IGHMBP2: variants seen among roughly 807,000 people sequenced by gnomAD.
The protein encoded by IGHMBP2 is immunoglobulin mu DNA binding protein 2.
IGHMBP2 carries 81 observed loss-of-function variants against 96.0 expected under a neutral mutation model. The ratio of observed to expected loss-of-function variants is 0.84; its 90% CI spans 0.71 to 1.01. The LOEUF is 1.01. Among genes scored for constraint, IGHMBP2 ranks in the 50% least tolerant of loss-of-function variants. The pLI, the probability that IGHMBP2 is intolerant of heterozygous loss-of-function variation, is 0.00. For missense variants in IGHMBP2, 1,227 were observed against 1,306.3 expected (o/e 0.94, Z 0.94); for synonymous variants, 557 against 548.9 (o/e 1.01, Z -0.21).
intron 5 of IGHMBP2, among the ~76,000 whole-genome samples, chr11:68,911,895 C>T (rs1436134960): frequency 1.3e-5 from 2 of 152,260 alleles, no homozygotes; most frequent in Admixed American, 6.5e-5. Flanking sequence ...TATTTGTTCA[C>T]CACGCTTGCT....
chr11:68,913,686 A>G (rs932264611), intron 5 of IGHMBP2, among the ~76,000 whole-genome samples: 1 of 152,058 alleles, frequency 6.6e-6, no homozygotes, highest in Non-Finnish European at 1.5e-5. Context: ...TGGGAGGCCA[A>G]GGGGGGAGGA....
At chr11:68,910,736 A>G (rs996165820) in intron 4 of IGHMBP2, among the ~76,000 whole-genome samples, 1 of 152,164 alleles carries the variant, frequency 6.6e-6, no homozygotes, top group Non-Finnish European at 1.5e-5. Context: ...ACAAAAAATT[A>G]GCTGGGCATG....
intron 8 of IGHMBP2, 137 bp from the exon 9 acceptor site, chr11:68,933,162 C>T (rs1859380223): frequency 4.5e-6 from 4 of 882,086 alleles, no homozygotes; most frequent in Admixed American, 2.1e-5. Context: ...CAAACCCGCC[C>T]CTTGGTTACT....
chr11:68,904,756 C>T (rs1858109295), intron 1 of IGHMBP2, among the ~76,000 whole-genome samples: 1 of 151,858 alleles, frequency 6.6e-6, no homozygotes, highest in Non-Finnish European at 1.5e-5. Flanking sequence ...TCTTTTACAC[C>T]TCATCCCATG....
At chr11:68,932,063 G>A (rs1432731134) in intron 8 of IGHMBP2, among the ~76,000 whole-genome samples, 1 of 150,486 alleles carries the variant, frequency 6.6e-6, no homozygotes, top group Non-Finnish European at 1.5e-5. Flanking sequence ...ACAGTAGGAT[G>A]GTTTCGGGGA....
intron 13 of IGHMBP2, chr11:68,937,978 TAG>T: frequency 1.6e-6 from 1 of 618,160 alleles, no homozygotes; most frequent in Non-Finnish European, 2.9e-6. Context: ...TTAGAATTAA[TAG>T]AGACGGGGTC....
intron 7 of IGHMBP2, among the ~76,000 whole-genome samples, chr11:68,923,967 C>T (rs1858971251): frequency 6.6e-6 from 1 of 152,292 alleles, no homozygotes; most frequent in Admixed American, 6.5e-5. Context: ...CTAGGTTCTA[C>T]CTGGCTGCCC....
At chr11:68,927,125 G>A (rs989264127) in intron 7 of IGHMBP2, among the ~76,000 whole-genome samples, 1 of 152,114 alleles carries the variant, frequency 6.6e-6, no homozygotes, top group Admixed American at 6.6e-5. Context: ...GACTCTCTAC[G>A]TGCCTTGTAG....
chr11:68,918,563 A>T (rs1858759140), intron 7 of IGHMBP2, among the ~76,000 whole-genome samples: 2 of 152,100 alleles, frequency 1.3e-5, no homozygotes, highest in Non-Finnish European at 2.9e-5. Flanking sequence ...AATTGCTTGA[A>T]TCCTGGAGGT....
At position 68,929,244 on chromosome 11, in the gene IGHMBP2, T is replaced by G. The variant is rs570558952; in HGVS notation, c.1122T>G (p.Ile374Met). 1 of 1,613,922 alleles carries G rather than the reference T, an allele frequency of 6.2e-7. No homozygotes were observed. Among genetic ancestry groups the G allele is most frequent in the South Asian group, 1.1e-5 (1 of 91,084 alleles). The change falls in exon 8 of 15, where the codon ATT becomes ATG. Residue 374 changes from isoleucine to methionine, a missense_variant. Ile to Met is a conservative substitution (Grantham distance 10). Transcript: ENST00000255078. ...AGAGCTACTTCGACGTGGTGGTCAT[T>G]GACGAGTGTGCCCAGGCCCTCGAGG... ...LPESYFDVVV[I>M]DECAQALEAS...
At chr11:68,919,767 G>C (rs1266408627) in intron 7 of IGHMBP2, among the ~76,000 whole-genome samples, 3 of 152,142 alleles carry the variant, frequency 2.0e-5, no homozygotes, top group African/African-American at 7.2e-5. Context: ...TCATAAATGT[G>C]GGGCTATGTT....
chr11:68,937,548 T>C (rs1231909973), intron 13 of IGHMBP2, among the ~76,000 whole-genome samples: 1 of 152,274 alleles, frequency 6.6e-6, no homozygotes, highest in Non-Finnish European at 1.5e-5. Flanking sequence ...AAAACCATTC[T>C]TGCCCTTGGG....
chr11:68,935,541 C>G lies in IGHMBP2; in HGVS notation c.1756+119C>G, dbSNP rs598255. On this transcript the variant is annotated intron_variant, in intron 12 of 14. Coordinates refer to ENST00000255078, the MANE Select transcript of IGHMBP2 (RefSeq NM_002180.3). ...TTTCTGGCAGTGTGCTCATGGTGCA[C>G]CTTCTGTCCTTAGTAAGTTCACGTC... 0.81 allele frequency: 972,201 copies of G among 1,206,016 alleles called. 396,260 individuals carry two copies. Among genetic ancestry groups the G allele is most frequent in the Non-Finnish European group, 0.85 (697,387 of 824,514 alleles). 74.7% of individuals were successfully genotyped at this position (1,206,016 alleles called of 1,614,324 possible). A position where few individuals can be genotyped will look rare whatever the true frequency, so the allele number is the denominator to read the frequency against.
chr11:68,940,158 C>G lies in IGHMBP2; in HGVS notation c.*427C>G. ...AAACAGGAAACAAGACTGCGAATGG[C>G]GCTCAGGCAGGGAGCAGGGAGTGGC... On this transcript the variant is annotated 3_prime_UTR_variant, in exon 15 of 15. Coordinates refer to ENST00000255078, the MANE Select transcript of IGHMBP2 (RefSeq NM_002180.3). 5.3e-6 allele frequency: 1 copy of G among 187,748 alleles called. No homozygotes were observed. The allele number at this position is 187,748 out of a possible 1,614,324, so 11.6% of individuals were successfully genotyped here.
chr11:68,923,996 T>C (rs1858972360), intron 7 of IGHMBP2, among the ~76,000 whole-genome samples: 1 of 152,208 alleles, frequency 6.6e-6, no homozygotes, highest in Admixed American at 6.5e-5. Context: ...TACTCTCTCC[T>C]GGAAACTCTC....
intron 7 of IGHMBP2, among the ~76,000 whole-genome samples, chr11:68,918,973 T>C (rs565139482): frequency 1.4e-4 from 21 of 152,342 alleles, no homozygotes; most frequent in Non-Finnish European, 2.5e-4. Context: ...TTGAGACCTT[T>C]CTTTTTTTCT....
chr11:68,927,203 C>T (rs1030033001), intron 7 of IGHMBP2, among the ~76,000 whole-genome samples: 1 of 152,222 alleles, frequency 6.6e-6, no homozygotes, highest in Admixed American at 6.5e-5. Context: ...GTTCTCTTCC[C>T]ACCCCGGGGT....
chr11:68,922,697 T>C (rs2154007803), intron 7 of IGHMBP2, among the ~76,000 whole-genome samples: 1 of 152,336 alleles, frequency 6.6e-6, no homozygotes, highest in South Asian at 2.1e-4. Context: ...CCCGGCCTCA[T>C]GTTTTTTAAC....
rs1256287906 is a variant in IGHMBP2, at chr11:68,935,333, A to G, written c.1667A>G (p.His556Arg). 6.2e-7 allele frequency: 1 copy of G among 1,614,158 alleles called. No individual in the cohort carries two copies. The highest frequency in any genetic ancestry group is 1.3e-5 in the African/African-American group (1 of 75,068). Residue 556 changes from histidine (H) to arginine (R), a missense_variant, in exon 12 of 15, where the codon CAC becomes CGC. By Grantham distance (29) the His-to-Arg change is conservative (BLOSUM62 0). Transcript: ENST00000255078. ...DLLRQSLVHR[H>R]PELEIKSVDG... ...CTCAGACAGAGCCTTGTGCACAGGCACCCTGAGCTTGAAATCAAGTCTGTC... is the reference window on the plus strand; with the variant it reads ...CTCAGACAGAGCCTTGTGCACAGGCGCCCTGAGCTTGAAATCAAGTCTGTC...
Sources: allele counts gnomAD v4.1 joint callset (sites outside exome capture counted in the v4.1 genomes callset), GRCh38; gene constraint gnomAD v4.1.1; transcripts MANE v1.5; gene names NCBI Gene and HGNC (gene_info 2026-07-23, HGNC 2026-07-21).